The following SLC35D1 variants were observed in gnomAD, a reference collection of about 807,000 sequenced individuals.
The protein encoded by SLC35D1 is nucleotide sugar transporter SLC35D1.
Under a neutral mutation model 46.7 loss-of-function variants are expected in SLC35D1, and 31 were observed. The observed-to-expected ratio is 0.66, with a 90% CI of 0.50 to 0.90. SLC35D1 has a LOEUF of 0.90. Ranked by LOEUF, SLC35D1 falls within the 40% of genes least tolerant of loss-of-function variation. SLC35D1 has a pLI of 0.00. For synonymous variants in SLC35D1, 195 were observed against 164.6 expected, an observed-to-expected ratio of 1.18 and a Z score of -1.41; for missense variants, 397 against 426.2, an observed-to-expected ratio of 0.93 and a Z score of 0.60.
chr1:67,024,350 T>C (rs1667874357), intron 8 of SLC35D1, among the ~76,000 whole-genome samples: 1 of 152,230 alleles, frequency 6.6e-6, no homozygotes, highest in African/African-American at 2.4e-5. Flanking sequence ...TATAACTTTT[T>C]AATGAAACCT....
At chr1:67,010,606 G>C (rs763422061) in intron 10 of SLC35D1, among the ~76,000 whole-genome samples, 1 of 152,016 alleles carries the variant, frequency 6.6e-6, no homozygotes, top group Non-Finnish European at 1.5e-5. Flanking sequence ...CCAAATACTT[G>C]GGACCTGAAA....
At chr1:67,012,099 T>G (rs1667577939) in intron 10 of SLC35D1, among the ~76,000 whole-genome samples, 1 of 152,172 alleles carries the variant, frequency 6.6e-6, no homozygotes, top group Non-Finnish European at 1.5e-5. Flanking sequence ...TAAAAATGGC[T>G]AGAAACCCAA....
At chr1:66,973,055 A>G in the SLC35D1 span, 7 of 856,726 alleles carry the variant, frequency 8.2e-6, no homozygotes, top group South Asian at 1.5e-5. Context: ...ATGGTCATGT[A>G]TCGTAATTTG....
chr1:67,009,863 T>C (rs1166158922), intron 10 of SLC35D1, among the ~76,000 whole-genome samples: 1 of 152,182 alleles, frequency 6.6e-6, no homozygotes. Flanking sequence ...TAAATTGTTC[T>C]ACCAAAGAGA....
intron 10 of SLC35D1, among the ~76,000 whole-genome samples, chr1:67,012,889 G>A (rs2102249217): frequency 6.6e-6 from 1 of 151,932 alleles, no homozygotes; most frequent in South Asian, 2.1e-4. Flanking sequence ...TGACTTTTTG[G>A]GGTACCCATT....
In SLC35D1 at chr1:67,052,806, T is replaced by C. The variant is rs1325907971; in HGVS notation, c.289A>G (p.Lys97Glu). 1.9e-6 allele frequency: 3 copies of C among 1,614,170 alleles called. No homozygotes were observed. Among genetic ancestry groups the C allele is most frequent in the Admixed American group, 1.7e-5 (1 of 60,030 alleles). The change falls in exon 3 of 12, where the codon AAG (lysine) becomes GAG (glutamate). Residue 97 changes from lysine to glutamate, a missense_variant. Coordinates refer to ENST00000235345, the MANE Select transcript of SLC35D1 (RefSeq NM_015139.3). ...LWVGKALRVV[K>E]FPDLDRNVPR... ...ACATTTCTGTCAAGGTCAGGAAACT[T>C]GACTACTCTGAGCGCCTTTCCCACC...
In SLC35D1 at chr1:67,000,707, T is replaced by C. The variant is rs1667321873; in HGVS notation, c.*3633A>G. ...CCATGTCTCATTTATTCCGAACTTT[T>C]TTCCTCAGGGAGAGAAAAATCAATT... is the stretch of plus-strand genomic sequence containing the variant. On this transcript the variant is annotated 3_prime_UTR_variant, in exon 12 of 12. Coordinates refer to ENST00000235345, the MANE Select transcript of SLC35D1 (RefSeq NM_015139.3). The C allele has an allele frequency of 6.6e-6, 1 of 152,268 alleles. No homozygotes were observed. Among genetic ancestry groups the C allele is most frequent in the Admixed American group, 6.5e-5 (1 of 15,274 alleles). 9.4% of individuals were successfully genotyped at this position (152,268 alleles called of 1,614,324 possible). A position where few individuals can be genotyped will look rare whatever the true frequency, so the allele number is the denominator to read the frequency against.
In SLC35D1 at chr1:67,053,986, C is replaced by A; in HGVS notation, c.28G>T (p.Ala10Ser). The A allele has an allele frequency of 1.2e-6, 2 of 1,612,976 alleles. No individual in the cohort carries two copies. The highest frequency in any genetic ancestry group is 1.7e-6 in the Non-Finnish European group (2 of 1,179,418). The change falls in exon 1 of 12, where the codon GCT becomes TCT. Residue 10 changes from alanine to serine, a missense_variant. Coordinates refer to ENST00000235345, the MANE Select transcript of SLC35D1 (RefSeq NM_015139.3). MAEVHRRQH[A>S]RVKGEAPAKS... Reference sequence around the variant, plus strand: ...GCGGGGGCTTCTCCTTTAACCCGAGCATGCTGACGTCTATGAACTTCCGCC... The same window carrying A: ...GCGGGGGCTTCTCCTTTAACCCGAGAATGCTGACGTCTATGAACTTCCGCC...
At position 67,004,361 on chromosome 1, in the gene SLC35D1, A is replaced by C; in HGVS notation, c.1047T>G (p.Ile349Met). The change falls in exon 12 of 12, where the codon ATT (isoleucine) becomes ATG (methionine). Residue 349 changes from isoleucine to methionine, a missense_variant. Coordinates refer to ENST00000235345, the MANE Select transcript of SLC35D1 (RefSeq NM_015139.3). ...KQSEANNKLDIKGKGAV is the reference protein window; with the variant it reads ...KQSEANNKLDMKGKGAV ...CTGGTCACACTGCTCCTTTCCCCTTAATGTCCAGCTTGTTATTAGCCTCTG... is the reference window on the plus strand; with the variant it reads ...CTGGTCACACTGCTCCTTTCCCCTTCATGTCCAGCTTGTTATTAGCCTCTG... 6.2e-7 allele frequency: 1 copy of C among 1,614,016 alleles called. No homozygotes were observed. Among genetic ancestry groups the C allele is most frequent in the South Asian group, 1.1e-5 (1 of 91,074 alleles).
chr1:67,039,976 C>T (rs1431897167), intron 8 of SLC35D1, among the ~76,000 whole-genome samples: 1 of 151,644 alleles, frequency 6.6e-6, no homozygotes, highest in Non-Finnish European at 1.5e-5. Context: ...ATTCTCCCCA[C>T]TGTACCACTT....
the SLC35D1 span, among the ~76,000 whole-genome samples, chr1:66,989,867 A>ACTT: frequency 6.6e-6 from 1 of 152,220 alleles, no homozygotes; most frequent in South Asian, 2.1e-4. Flanking sequence ...GATCTGAGCC[A>ACTT]CTTTAAATTC....
chr1:66,986,463 T>C, the SLC35D1 span: 5 of 1,608,200 alleles, frequency 3.1e-6, no homozygotes, highest in African/African-American at 5.5e-5. Context: ...GCCAATGCCT[T>C]TTTAAAATAA....
intron 10 of SLC35D1, among the ~76,000 whole-genome samples, chr1:67,016,008 A>G (rs1667678652): frequency 2.0e-5 from 3 of 152,112 alleles, no homozygotes; most frequent in Admixed American, 2.0e-4. Flanking sequence ...AACTTTTTAG[A>G]TAATAGGGCC....
chr1:67,023,729 G>A (rs1424446418), intron 8 of SLC35D1, among the ~76,000 whole-genome samples: 2 of 151,884 alleles, frequency 1.3e-5, no homozygotes, highest in Admixed American at 6.6e-5. Flanking sequence ...CAAGTGATCC[G>A]CCCGCCCTAG....
chr1:67,053,989 G>A lies in SLC35D1; in HGVS notation c.25C>T (p.His9Tyr). The A allele has an allele frequency of 6.2e-7, 1 of 1,612,784 alleles. No individual in the cohort carries two copies. Among genetic ancestry groups the A allele is most frequent in the Non-Finnish European group, 8.5e-7 (1 of 1,179,346 alleles). Reference sequence around the variant, plus strand: ...GGGGCTTCTCCTTTAACCCGAGCATGCTGACGTCTATGAACTTCCGCCATG... The same window carrying A: ...GGGGCTTCTCCTTTAACCCGAGCATACTGACGTCTATGAACTTCCGCCATG... Reference protein sequence around the residue: MAEVHRRQHARVKGEAPAK... With the variant: MAEVHRRQYARVKGEAPAK... Residue 9 changes from histidine to tyrosine, a missense_variant, in exon 1 of 12, where the codon CAT becomes TAT. His to Tyr is a moderately conservative substitution (Grantham distance 83). Transcript: ENST00000235345.
the SLC35D1 span, among the ~76,000 whole-genome samples, chr1:66,982,847 T>TA: frequency 3.3e-5 from 5 of 152,198 alleles, no homozygotes; most frequent in Non-Finnish European, 1.5e-5. Context: ...GCCCAGTAAC[T>TA]ATGTCCTGGT....
intron 10 of SLC35D1, among the ~76,000 whole-genome samples, chr1:67,014,594 T>C (rs1279806602): frequency 2.0e-5 from 3 of 151,716 alleles, no homozygotes; most frequent in African/African-American, 7.3e-5. Context: ...CAAGTTCACA[T>C]GATTTTAGTA....
In SLC35D1 at chr1:67,000,457, A is replaced by G. The variant is rs1021483863; in HGVS notation, c.*3883T>C. On this transcript the variant is annotated 3_prime_UTR_variant, in exon 12 of 12. Coordinates refer to ENST00000235345, the MANE Select transcript of SLC35D1 (RefSeq NM_015139.3). ...AATTGTGTCCAGCAGATATTTTTAA[A>G]AAAGAAAAGACAGTGAACAGAAACT... The G allele has an allele frequency of 2.6e-5, 4 of 152,302 alleles. No individual in the cohort carries two copies. Among genetic ancestry groups the G allele is most frequent in the African/African-American group, 9.7e-5 (4 of 41,434 alleles). 9.4% of individuals were successfully genotyped at this position (152,302 alleles called of 1,614,324 possible). A position where few individuals can be genotyped will look rare whatever the true frequency, so the allele number is the denominator to read the frequency against.
At chr1:66,978,647 A>G in the SLC35D1 span, among the ~76,000 whole-genome samples, 3 of 152,284 alleles carry the variant, frequency 2.0e-5, no homozygotes, top group African/African-American at 7.2e-5. Flanking sequence ...AACATCTTTT[A>G]TTTTTTTCAA....
Sources: allele counts gnomAD v4.1 joint callset (sites outside exome capture counted in the v4.1 genomes callset), GRCh38; gene constraint gnomAD v4.1.1; transcripts MANE v1.5; gene names NCBI Gene and HGNC (gene_info 2026-07-23, HGNC 2026-07-21).